Variants in NBPF20 observed in about 807,000 individuals in gnomAD.
The protein encoded by NBPF20 is NBPF member 20.
In NBPF20, 90 loss-of-function variants were observed where a neutral mutation model predicts 68.1. The observed-to-expected ratio is 1.32, with a 90% CI of 1.11 to 1.58. NBPF20 has a LOEUF of 1.58. NBPF20 is among the 40% of genes most tolerant of loss of function. The pLI is 0.00. For synonymous variants in NBPF20, 290 were observed against 228.1 expected (o/e 1.27, Z -2.45); for missense variants, 816 against 601.2 (o/e 1.36, Z -3.74).
intron 8 of NBPF20, among the ~76,000 whole-genome samples, chr1:145,394,252 G>C (rs1446463723): frequency 1.3e-5 from 2 of 151,618 alleles, no homozygotes; most frequent in South Asian, 4.1e-4. Context: ...TCATAGGAGA[G>C]ACACTTCAAT....
At chr1:145,396,788 C>G in intron 7 of NBPF20, among the ~76,000 whole-genome samples, 1 of 148,384 alleles carries the variant, frequency 6.7e-6, no homozygotes, top group African/African-American at 2.5e-5. Flanking sequence ...ATATATAATA[C>G]TTTAAGTCTT....
At chr1:145,410,766 G>A in the NBPF20 span, among the ~76,000 whole-genome samples, 299 of 111,530 alleles carry the variant, frequency 2.7e-3, 2 homozygotes, top group Non-Finnish European at 4.3e-3. Context: ...ATATATATAC[G>A]TATATATATA....
chr1:145,401,188 G>A, intron 4 of NBPF20, 57 bp from the exon 10 acceptor site: 6 of 1,477,358 alleles, frequency 4.1e-6, no homozygotes, highest in Non-Finnish European at 5.6e-6. Flanking sequence ...TGCAAGCACA[G>A]TCAGCCCAAT....
chr1:145,378,233 G>A (rs1158170794), intron 28 of NBPF20, 139 bp from the exon 34 acceptor site: 1 of 55,890 alleles, frequency 1.8e-5, no homozygotes, highest in African/African-American at 4.7e-4. Context: ...TCTTCAGGAG[G>A]CCTGAAGGCT....
exon 138 of NBPF20, chr1:145,291,405 C>T: frequency 6.3e-7 from 1 of 1,597,902 alleles, no homozygotes; most frequent in South Asian, 1.1e-5. Context: ...AGGAATACAG[C>T]CATGCCCACT....
At chr1:145,402,666 T>A (rs1487429551) in intron 3 of NBPF20, among the ~76,000 whole-genome samples, 5 of 151,044 alleles carry the variant, frequency 3.3e-5, no homozygotes, top group Non-Finnish European at 5.9e-5. Flanking sequence ...AAAGACATCC[T>A]TTCAGTTCCT....
At chr1:145,419,580 G>T in the NBPF20 span, among the ~76,000 whole-genome samples, 1 of 152,068 alleles carries the variant, frequency 6.6e-6, no homozygotes, top group Admixed American at 6.5e-5. Context: ...GCTGCAGGTG[G>T]GGGCCTCAGC....
chr1:145,417,657 C>T, the NBPF20 span, among the ~76,000 whole-genome samples: 3 of 129,774 alleles, frequency 2.3e-5, no homozygotes, highest in African/African-American at 8.8e-5. Context: ...AAGATCTCAA[C>T]ACCTCATTAA....
the NBPF20 span, among the ~76,000 whole-genome samples, chr1:145,410,700 ATGTGTG>A: frequency 0.038 from 4,475 of 118,224 alleles, 232 homozygotes; most frequent in African/African-American, 0.15. Flanking sequence ...ATATATATAT[ATGTGTG>A]TGTGTGTGTG....
intron 112 of NBPF20, 143 bp from the exon 118 acceptor site, chr1:145,311,631 G>C: frequency 1.4e-5 from 1 of 70,300 alleles, no homozygotes; most frequent in South Asian, 1.4e-4. Context: ...CAGGAGGCCT[G>C]AAGGCTGATC....
rs1661985451 is a variant in NBPF20, at chr1:145,393,062, A to G, written c.1216+12T>C. ...CAGTGGATCCTTATCACCTTCATAG[A>G]AAGGTACTCACCATCCATGTCAACA... On this transcript the variant is annotated intron_variant, in intron 10 of 137. Coordinates refer to ENST00000369373, the Ensembl canonical transcript of NBPF20. The G allele has an allele frequency of 7.5e-6, 4 of 532,450 alleles. No homozygotes were observed. Among genetic ancestry groups the G allele is most frequent in the South Asian group, 6.0e-5 (3 of 49,970 alleles). 33.0% of individuals were successfully genotyped at this position (532,450 alleles called of 1,614,324 possible).
chr1:145,392,854 C>T lies in NBPF20; in HGVS notation c.1216+220G>A, dbSNP rs1344563266. 9.2e-5 allele frequency among the ~76,000 whole-genome samples: 9 copies of T among 97,696 alleles called. 2 individuals carry two copies. In the East Asian group the frequency reaches 4.0e-3, roughly 43 times the overall value. The allele number at this position is 97,696 out of a possible 152,430, so 64.1% of individuals were successfully genotyped here. ...CGTCATGAGAGTAGGATTAGGGCAC[C>T]ACAGGCATGGCCTGAGACTAGGAAG... On this transcript the variant is annotated intron_variant, in intron 10 of 137. Transcript: ENST00000369373.
chr1:145,424,599 G>A, the NBPF20 span, among the ~76,000 whole-genome samples: 1 of 152,118 alleles, frequency 6.6e-6, no homozygotes, highest in Non-Finnish European at 1.5e-5. Context: ...ACTTCTTTTC[G>A]AAAGCAGCTC....
At chr1:145,291,807 A>G in intron 137 of NBPF20, 38 bp from the exon 143 acceptor site, 1 of 1,611,974 alleles carries the variant, frequency 6.2e-7, no homozygotes, top group Non-Finnish European at 8.5e-7. Context: ...CAGCCAGGGA[A>G]AATCAGAAAC....
At chr1:145,404,420 A>T (rs1662673828) in intron 2 of NBPF20, among the ~76,000 whole-genome samples, 1 of 151,856 alleles carries the variant, frequency 6.6e-6, no homozygotes, top group Admixed American at 6.6e-5. Flanking sequence ...CACGACGCCC[A>T]TCTACTTTTT....
At chr1:145,417,544 A>C in the NBPF20 span, among the ~76,000 whole-genome samples, 16 of 150,580 alleles carry the variant, frequency 1.1e-4, no homozygotes, top group Non-Finnish European at 2.1e-4. Flanking sequence ...GACTGGGAGA[A>C]AATATTTACA....
At chr1:145,407,444 TGTATATACGTGTATACACGTA>T (rs1181830927), upstream of NBPF20, among the ~76,000 whole-genome samples, 1 of 146,526 alleles carries the variant, frequency 6.8e-6, no homozygotes, top group Non-Finnish European at 1.5e-5. Context: ...CATGTATACA[TGTATATACGTGTATACACGTA>T]TATATAATAT....
At chr1:145,291,723 C>G (rs782446247) in exon 138 of NBPF20, 38 of 1,611,800 alleles carry the variant, frequency 2.4e-5, no homozygotes, top group Non-Finnish European at 3.2e-5. Context: ...TCCAGTGAGT[C>G]CTGTAAGACT....
chr1:145,423,975 CTT>C, the NBPF20 span, among the ~76,000 whole-genome samples: 118 of 133,178 alleles, frequency 8.9e-4, no homozygotes, highest in Middle Eastern at 7.8e-3. Context: ...ATTACCTGTA[CTT>C]TTTTTTTTTT....
Sources: allele counts gnomAD v4.1 joint callset (sites outside exome capture counted in the v4.1 genomes callset), GRCh38; gene constraint gnomAD v4.1.1; transcripts MANE v1.5; gene names NCBI Gene and HGNC (gene_info 2026-07-23, HGNC 2026-07-21).